Variants in YAP1 observed in about 807,000 individuals in gnomAD.
YAP1 encodes the protein transcriptional coactivator YAP1.
Under a neutral mutation model 56.9 loss-of-function variants are expected in YAP1, and 5 were observed. The observed-to-expected ratio is 0.09, with a 90% CI of 0.05 to 0.18. The LOEUF (loss-of-function observed/expected upper bound fraction) is 0.18, where lower values mean the gene tolerates loss of function less well. Among genes scored for constraint, YAP1 ranks in the 10% least tolerant of loss-of-function variants. The pLI is 1.00. For synonymous variants in YAP1, 265 were observed against 248.1 expected, an observed-to-expected ratio of 1.07 and a Z score of -0.64; for missense variants, 539 against 651.8, an observed-to-expected ratio of 0.83 and a Z score of 1.88.
intron 1 of YAP1, 27 bp from the exon 2 acceptor site, chr11:102,114,112 TTTTAA>T (rs781228376): frequency 6.6e-5 from 102 of 1,554,468 alleles, no homozygotes; most frequent in Non-Finnish European, 8.8e-5. Context: ...GTTTTTTCTT[TTTTAA>T]TTTTTCATCT....
chr11:102,181,903 C>T (rs1028489709), intron 3 of YAP1, among the ~76,000 whole-genome samples: 1 of 152,188 alleles, frequency 6.6e-6, no homozygotes, highest in African/African-American at 2.4e-5. Flanking sequence ...TCACTGCAAC[C>T]TCCACCTCCC....
At chr11:102,217,106 A>T (rs1242484498) in intron 6 of YAP1, among the ~76,000 whole-genome samples, 1 of 152,186 alleles carries the variant, frequency 6.6e-6, no homozygotes, top group African/African-American at 2.4e-5. Context: ...TGCTTTATTT[A>T]GTGGACTTTT....
intron 2 of YAP1, among the ~76,000 whole-genome samples, chr11:102,154,551 GAT>G (rs1565208579): frequency 6.6e-6 from 1 of 152,040 alleles, no homozygotes; most frequent in Non-Finnish European, 1.5e-5. Context: ...CATACAAAGA[GAT>G]ATTAATGGAT....
chr11:102,122,424 CAAA>C (rs34741279), intron 2 of YAP1, among the ~76,000 whole-genome samples: 3 of 144,152 alleles, frequency 2.1e-5, no homozygotes, highest in African/African-American at 2.5e-5. Flanking sequence ...GACTCTGTCT[CAAA>C]AAAAAAAAAG....
chr11:102,180,159 G>A (rs894903951), intron 3 of YAP1, among the ~76,000 whole-genome samples: 14 of 151,692 alleles, frequency 9.2e-5, no homozygotes, highest in African/African-American at 3.1e-4. Context: ...ACAGGTGTGC[G>A]CCACCACACC....
chr11:102,193,843 GT>G lies in YAP1; in HGVS notation c.802+7725del, dbSNP rs1217589631. The stretch of plus-strand genomic sequence containing the variant: ...GGGGGTTTTTTTTTGTTTGATTTTT[GT>G]TTTTTTTTTTTTGAGACGGAGTCTC... On this transcript the variant is annotated intron_variant, in intron 4 of 8. Coordinates refer to ENST00000282441, the MANE Select transcript of YAP1 (RefSeq NM_001130145.3). Among the ~76,000 whole-genome samples, 642 of 143,300 alleles carry G rather than the reference GT, an allele frequency of 4.5e-3. 2 individuals are homozygous for G. The highest frequency in any genetic ancestry group is 0.015 in the African/African-American group (574 of 39,482). 94.0% of individuals were successfully genotyped at this position (143,300 alleles called of 152,430 possible). A position where few individuals can be genotyped will look rare whatever the true frequency, so the allele number is the denominator to read the frequency against.
At position 102,221,218 on chromosome 11, in the gene YAP1, A is replaced by G. The variant is rs1949911858; in HGVS notation, c.1033-2404A>G. 1.3e-5 allele frequency among the ~76,000 whole-genome samples: 2 copies of G among 152,242 alleles called. 1 individual carries two copies. Among genetic ancestry groups the G allele is most frequent in the South Asian group, 4.1e-4 (2 of 4,826 alleles). ...TATAAGATGGAGTAACGAAGAGATCAGTAAATTTGAGTACAAGAAGCAGTT... is the reference window on the plus strand; with the variant it reads ...TATAAGATGGAGTAACGAAGAGATCGGTAAATTTGAGTACAAGAAGCAGTT... On this transcript the variant is annotated intron_variant, in intron 6 of 8. Transcript: ENST00000282441.
intron 6 of YAP1, among the ~76,000 whole-genome samples, chr11:102,223,120 T>C (rs988700186): frequency 1.3e-5 from 2 of 151,684 alleles, no homozygotes; most frequent in South Asian, 2.1e-4. Context: ...TGGTGGTGCG[T>C]GCCTGTAGTC....
At chr11:102,126,836 G>C (rs537647212) in intron 2 of YAP1, among the ~76,000 whole-genome samples, 1 of 152,168 alleles carries the variant, frequency 6.6e-6, no homozygotes, top group Admixed American at 6.5e-5. Context: ...CAAAAATGCC[G>C]ATAGTGATGT....
chr11:102,132,766 A>T (rs1379073436), intron 2 of YAP1, among the ~76,000 whole-genome samples: 1 of 152,254 alleles, frequency 6.6e-6, no homozygotes, highest in African/African-American at 2.4e-5. Context: ...AACCGTTTAC[A>T]CACATTGGTT....
At chr11:102,194,455 C>T (rs1480165567) in intron 4 of YAP1, among the ~76,000 whole-genome samples, 1 of 152,148 alleles carries the variant, frequency 6.6e-6, no homozygotes, top group East Asian at 1.9e-4. Flanking sequence ...CTAATAGCAT[C>T]CTCCTAACTA....
chr11:102,136,386 G>A (rs1565445010), intron 2 of YAP1, among the ~76,000 whole-genome samples: 1 of 150,882 alleles, frequency 6.6e-6, no homozygotes, highest in Non-Finnish European at 1.5e-5. Context: ...CGTCGCCTAG[G>A]CTGGAGTGCA....
At chr11:102,223,526 C>G in intron 6 of YAP1, 96 bp from the exon 7 acceptor site, 1 of 1,336,766 alleles carries the variant, frequency 7.5e-7, no homozygotes, top group Non-Finnish European at 1.0e-6. Context: ...TTTAATCTAT[C>G]TGCACGGTTA....
intron 2 of YAP1, among the ~76,000 whole-genome samples, chr11:102,117,463 A>G (rs1248066982): frequency 1.3e-5 from 2 of 152,252 alleles, no homozygotes; most frequent in Non-Finnish European, 2.9e-5. Context: ...CAGACAGGCA[A>G]GACGATGTAA....
At position 102,216,855 on chromosome 11, in the gene YAP1, G is replaced by C. The variant is rs1591447902; in HGVS notation, c.1033-6767G>C. 2.6e-5 allele frequency among the ~76,000 whole-genome samples: 4 copies of C among 152,260 alleles called. No individual in the cohort carries two copies. In the South Asian group the frequency reaches 8.3e-4, roughly 32 times the overall value. On this transcript the variant is annotated intron_variant, in intron 6 of 8. Coordinates refer to ENST00000282441, the MANE Select transcript of YAP1 (RefSeq NM_001130145.3). ...GGAAATTTAGCCAAAACATAATCAT[G>C]CTTCTGTTCTGTATTTCAAAGGTCA... is the stretch of plus-strand genomic sequence containing the variant.
At chr11:102,125,407 C>A (rs868011046) in intron 2 of YAP1, among the ~76,000 whole-genome samples, 1 of 132,048 alleles carries the variant, frequency 7.6e-6, no homozygotes, top group South Asian at 2.4e-4. Flanking sequence ...GACAGAGCTT[C>A]GCACTGTTGC....
At chr11:102,197,096 T>C (rs958489620) in intron 4 of YAP1, among the ~76,000 whole-genome samples, 3 of 152,240 alleles carry the variant, frequency 2.0e-5, no homozygotes, top group African/African-American at 7.2e-5. Flanking sequence ...CCTATTAGTT[T>C]GTGTTTTTAG....
At chr11:102,215,362 C>T (rs1170302677) in intron 6 of YAP1, among the ~76,000 whole-genome samples, 2 of 152,122 alleles carry the variant, frequency 1.3e-5, no homozygotes, top group Admixed American at 1.3e-4. Flanking sequence ...GCTCCTGTGC[C>T]ATATATTATC....
chr11:102,218,393 A>G (rs1032121049), intron 6 of YAP1, among the ~76,000 whole-genome samples: 2 of 152,216 alleles, frequency 1.3e-5, no homozygotes, highest in African/African-American at 2.4e-5. Context: ...GAGCTGTTAC[A>G]CTGTTATAAC....
Sources: gnomAD v4.1 joint callset for allele counts (sites outside exome capture counted in the v4.1 genomes callset) on GRCh38, gnomAD v4.1.1 for gene constraint, MANE v1.5 for transcripts, NCBI Gene and HGNC (gene_info 2026-07-23, HGNC 2026-07-21) for gene names.